TULP4: variants seen among roughly 807,000 people sequenced by gnomAD.
TULP4 encodes the protein tubby-related protein 4.
TULP4 carries 16 observed loss-of-function variants against 129.0 expected under a neutral mutation model. The ratio of observed to expected loss-of-function variants is 0.12; its 90% CI spans 0.08 to 0.19. TULP4 has a LOEUF of 0.19. Among genes scored for constraint, TULP4 ranks in the 10% least tolerant of loss-of-function variants. The pLI is 1.00. For missense variants in TULP4, 1,842 were observed against 2,059.1 expected, an observed-to-expected ratio of 0.89 and a Z score of 2.04; for synonymous variants, 998 against 854.0, an observed-to-expected ratio of 1.17 and a Z score of -2.94.
chr6:158,240,695 G>T (rs1470832192), intron 1 of TULP4, among the ~76,000 whole-genome samples: 1 of 116,304 alleles, frequency 8.6e-6, no homozygotes, highest in Admixed American at 9.3e-5. Flanking sequence ...CCAGGCGGGG[G>T]GCTGACCCCC....
chr6:158,384,183 A>T (rs1777386941), intron 1 of TULP4, among the ~76,000 whole-genome samples: 1 of 152,190 alleles, frequency 6.6e-6, no homozygotes, highest in African/African-American at 2.4e-5. Flanking sequence ...TAGCATGTAA[A>T]GCCAATTCTT....
At chr6:158,318,814 C>T (rs1021474108) in intron 1 of TULP4, among the ~76,000 whole-genome samples, 1 of 152,070 alleles carries the variant, frequency 6.6e-6, no homozygotes, top group Non-Finnish European at 1.5e-5. Context: ...TAGCCTCTGC[C>T]TCCTGGGTTT....
intron 3 of TULP4, among the ~76,000 whole-genome samples, chr6:158,435,900 A>T (rs557523996): frequency 1.3e-5 from 2 of 149,826 alleles, no homozygotes; most frequent in South Asian, 4.2e-4. Flanking sequence ...CTCAACTGGG[A>T]ATCCTTTATC....
At chr6:158,257,090 G>C (rs79296648) in intron 1 of TULP4, among the ~76,000 whole-genome samples, 23,092 of 152,076 alleles carry the variant, frequency 0.15, 2,412 homozygotes, top group East Asian at 0.43. Context: ...AGGCTTAGTA[G>C]CCTGATCTCC....
At chr6:158,504,904 GCA>G (rs957487792) in intron 13 of TULP4, among the ~76,000 whole-genome samples, 1 of 152,088 alleles carries the variant, frequency 6.6e-6, no homozygotes, top group Non-Finnish European at 1.5e-5. Flanking sequence ...CTCACCCTAT[GCA>G]CACACACACA....
intron 1 of TULP4, among the ~76,000 whole-genome samples, chr6:158,365,416 G>A (rs1780912054): frequency 6.9e-6 from 1 of 145,240 alleles, no homozygotes; most frequent in East Asian, 2.0e-4. Flanking sequence ...TTTTTTTTCT[G>A]GTTATTTTTC....
At chr6:158,334,086 C>T (rs758771053) in intron 1 of TULP4, among the ~76,000 whole-genome samples, 2 of 152,134 alleles carry the variant, frequency 1.3e-5, no homozygotes, top group South Asian at 2.1e-4. Flanking sequence ...CAGTGAATTG[C>T]GCATCACAGT....
intron 1 of TULP4, among the ~76,000 whole-genome samples, chr6:158,267,178 G>A (rs1222289288): frequency 6.6e-6 from 1 of 152,152 alleles, no homozygotes; most frequent in African/African-American, 2.4e-5. Context: ...TTCATTGTAT[G>A]TCAATACACA....
intron 1 of TULP4, among the ~76,000 whole-genome samples, chr6:158,401,516 A>G (rs1210271501): frequency 1.3e-5 from 2 of 152,004 alleles, no homozygotes; most frequent in African/African-American, 4.8e-5. Flanking sequence ...CTCAAGAAGT[A>G]AAATGTGAAT....
intron 6 of TULP4, among the ~76,000 whole-genome samples, chr6:158,467,525 C>T (rs28544890): frequency 1.9e-3 from 294 of 152,282 alleles, no homozygotes; most frequent in African/African-American, 6.9e-3. Flanking sequence ...TCGTGATCCA[C>T]CCGCCTCAGC....
intron 1 of TULP4, among the ~76,000 whole-genome samples, chr6:158,317,580 G>T (rs1439621068): frequency 6.6e-6 from 1 of 152,054 alleles, no homozygotes; most frequent in Admixed American, 6.5e-5. Flanking sequence ...TGGACATTTC[G>T]GTTGGTTCCA....
rs779579715 is a variant in TULP4 at position 158,387,555 on chromosome 6, G to T, written c.253-25510G>T. ...AGTTTTTTCTTATGCTGACTTCATG[G>T]ATACCATGGTGTGTTTTCCATCATC... On this transcript the variant is annotated intron_variant, in intron 1 of 13. Transcript: ENST00000367097. Among the ~76,000 whole-genome samples, 13 of 152,210 alleles carry T rather than the reference G, an allele frequency of 8.5e-5. No homozygotes were observed. In the South Asian group the frequency reaches 1.9e-3, roughly 22 times the overall value.
chr6:158,360,726 G>A (rs1363335101), intron 1 of TULP4, among the ~76,000 whole-genome samples: 1 of 152,160 alleles, frequency 6.6e-6, no homozygotes, highest in Non-Finnish European at 1.5e-5. Flanking sequence ...CTGAGCAGGT[G>A]GAATAGGCTG....
At chr6:158,284,273 A>G (rs181969411) in intron 1 of TULP4, among the ~76,000 whole-genome samples, 288 of 152,326 alleles carry the variant, frequency 1.9e-3, no homozygotes, top group Middle Eastern at 3.4e-3. Flanking sequence ...TTAAAAAGAA[A>G]AAGTCTCTTT....
intron 1 of TULP4, among the ~76,000 whole-genome samples, chr6:158,292,174 G>C (rs1367769778): frequency 3.3e-5 from 5 of 152,182 alleles, no homozygotes; most frequent in Admixed American, 3.3e-4. Context: ...TGTGAGTCCT[G>C]CTGAATGTGT....
chr6:158,444,018 G>C (rs538144623), intron 3 of TULP4, among the ~76,000 whole-genome samples: 7 of 151,790 alleles, frequency 4.6e-5, no homozygotes, highest in South Asian at 2.1e-4. Flanking sequence ...AGGAGATTGA[G>C]ACCATCCTGG....
chr6:158,250,405 C>T lies in TULP4; in HGVS notation n.68+18102C>T, dbSNP rs1778118626. 2.6e-5 allele frequency among the ~76,000 whole-genome samples: 4 copies of T among 152,164 alleles called. No individual in the cohort carries two copies. The South Asian group carries it at 6.2e-4, about 24-fold the overall frequency. ...TCTCTTGACCTCGTGATCTGCCTGC[C>T]TTGGCCTCCCAAAGTGCTGGGATTA... On this transcript the variant is annotated intron_variant and non_coding_transcript_variant, in intron 1 of 1. Coordinates refer to the TULP4 transcript ENST00000620026.
chr6:158,379,631 G>A (rs532055167), intron 1 of TULP4, among the ~76,000 whole-genome samples: 1 of 152,258 alleles, frequency 6.6e-6, no homozygotes, highest in African/African-American at 2.4e-5. Flanking sequence ...CAGTGCTTGG[G>A]AGTATTCAAG....
intron 1 of TULP4, among the ~76,000 whole-genome samples, chr6:158,386,092 A>G (rs1777442638): frequency 6.6e-6 from 1 of 151,624 alleles, no homozygotes. Context: ...TGATCCTCAT[A>G]CCTCAGCCTC....
Sources: allele counts gnomAD v4.1 joint callset (sites outside exome capture counted in the v4.1 genomes callset), GRCh38; gene constraint gnomAD v4.1.1; transcripts MANE v1.5; gene names NCBI Gene and HGNC (gene_info 2026-07-23, HGNC 2026-07-21).